BACH2: variants seen among roughly 807,000 people sequenced by gnomAD.
BACH2 encodes transcription regulator protein BACH2.
In BACH2, 5 loss-of-function variants were observed where a neutral mutation model predicts 61.8. The observed-to-expected ratio is 0.08, with a 90% confidence interval of 0.04 to 0.17. The LOEUF (loss-of-function observed/expected upper bound fraction) is 0.17, where lower values mean the gene tolerates loss of function less well. Ranked by LOEUF, BACH2 falls within the 10% of genes least tolerant of loss-of-function variation. BACH2 has a pLI of 1.00. For synonymous variants in BACH2, 446 were observed against 440.1 expected (o/e 1.01, Z -0.17); for missense variants, 824 against 1,091.1 (o/e 0.76, Z 3.45).
chr6:90,135,456 A>G (rs571907439), intron 4 of BACH2, among the ~76,000 whole-genome samples: 156 of 152,334 alleles, frequency 1.0e-3, no homozygotes, highest in Non-Finnish European at 1.8e-3. Context: ...GGCTGGGCAC[A>G]GTAGCTCGCA....
intron 4 of BACH2, among the ~76,000 whole-genome samples, chr6:90,092,515 C>A (rs1782214238): frequency 6.6e-6 from 1 of 151,912 alleles, no homozygotes; most frequent in Admixed American, 6.6e-5. Context: ...TTATGCTGGG[C>A]ACCCCACTCA....
intron 6 of BACH2, among the ~76,000 whole-genome samples, chr6:90,007,008 C>T (rs1032764453): frequency 1.3e-5 from 2 of 152,122 alleles, no homozygotes; most frequent in Non-Finnish European, 2.9e-5. Flanking sequence ...TTGAAGAAAC[C>T]TCCACTACCC....
chr6:89,962,539 C>G (rs1247375676), intron 6 of BACH2, among the ~76,000 whole-genome samples: 1 of 152,108 alleles, frequency 6.6e-6, no homozygotes, highest in Non-Finnish European at 1.5e-5. Context: ...TACATGTTCC[C>G]ATAGTTGTTC....
intron 5 of BACH2, among the ~76,000 whole-genome samples, chr6:90,067,317 T>C (rs1369949483): frequency 6.6e-6 from 1 of 151,972 alleles, no homozygotes; most frequent in Admixed American, 6.6e-5. Flanking sequence ...AGGTGGAAGG[T>C]GAGGCTGGGA....
At chr6:90,177,617 G>A (rs1031293968) in intron 4 of BACH2, among the ~76,000 whole-genome samples, 3 of 152,138 alleles carry the variant, frequency 2.0e-5, no homozygotes, top group South Asian at 2.1e-4. Context: ...GGATCGGATC[G>A]TATGAAATCT....
At chr6:90,286,506 G>A (rs1358567084) in intron 1 of BACH2, among the ~76,000 whole-genome samples, 1 of 152,176 alleles carries the variant, frequency 6.6e-6, no homozygotes, top group Non-Finnish European at 1.5e-5. Flanking sequence ...CCGTGAAAAT[G>A]TCTTGAACTT....
intron 7 of BACH2, among the ~76,000 whole-genome samples, chr6:89,946,892 CT>C (rs987705324): frequency 6.6e-6 from 1 of 152,130 alleles, no homozygotes; most frequent in Admixed American, 6.5e-5. Flanking sequence ...CTAATTTGAT[CT>C]TTCTCGAAGC....
chr6:90,222,291 A>C (rs1769761212), intron 3 of BACH2, among the ~76,000 whole-genome samples: 1 of 152,180 alleles, frequency 6.6e-6, no homozygotes, highest in African/African-American at 2.4e-5. Context: ...TTATTTCATG[A>C]GACAATGGCA....
intron 5 of BACH2, among the ~76,000 whole-genome samples, chr6:90,045,258 A>G (rs1447737651): frequency 3.9e-5 from 6 of 152,228 alleles, no homozygotes; most frequent in Non-Finnish European, 8.8e-5. Context: ...AGCAGACCGC[A>G]TGACTCTGTG....
intron 3 of BACH2, 35 bp downstream of exon 3, chr6:90,252,478 T>C (rs915885650): frequency 2.0e-5 from 3 of 152,178 alleles, no homozygotes; most frequent in African/African-American, 4.8e-5. Flanking sequence ...TCCTGCTAAA[T>C]TTTTTTAGTC....
In BACH2 at chr6:89,950,246, C is replaced by T; in HGVS notation, c.1836+24G>A. ...AAGGGCCTAGAGAGTGGGTCACATGCTTGAATTTATGTGGGTTCCCTACCT... is the reference window on the plus strand; with the variant it reads ...AAGGGCCTAGAGAGTGGGTCACATGTTTGAATTTATGTGGGTTCCCTACCT... On this transcript the variant is annotated intron_variant, in intron 7 of 8. Transcript: ENST00000257749. This position sits in a 1 kb window ranked among gnomAD's most constrained non-coding sequence, Gnocchi z 5.3. The T allele has an allele frequency of 8.1e-6, 13 of 1,613,868 alleles. No homozygotes were observed. The highest frequency in any genetic ancestry group is 1.1e-5 in the Non-Finnish European group (13 of 1,179,890).
chr6:90,128,747 A>G (rs1337789407), intron 4 of BACH2, among the ~76,000 whole-genome samples: 1 of 152,362 alleles, frequency 6.6e-6, no homozygotes, highest in East Asian at 1.9e-4. Context: ...ATGCTGCTAT[A>G]AAGACACATG....
chr6:90,187,711 T>G (rs1363798511), intron 4 of BACH2, among the ~76,000 whole-genome samples: 1 of 152,244 alleles, frequency 6.6e-6, no homozygotes, highest in Non-Finnish European at 1.5e-5. Context: ...AGCAGAGGAT[T>G]AGGATCAGAT....
At chr6:90,114,347 C>T (rs1021986767) in intron 4 of BACH2, among the ~76,000 whole-genome samples, 2 of 152,160 alleles carry the variant, frequency 1.3e-5, no homozygotes, top group Admixed American at 6.5e-5. Context: ...CCCTCGGATG[C>T]AGGGTTGGTT....
chr6:90,291,645 T>C (rs1772183156), intron 1 of BACH2, among the ~76,000 whole-genome samples: 1 of 151,998 alleles, frequency 6.6e-6, no homozygotes, highest in South Asian at 2.1e-4. Context: ...GAGTTGTATT[T>C]TGGGCAATCT....
chr6:90,123,986 C>A (rs1783745758), intron 4 of BACH2, among the ~76,000 whole-genome samples: 1 of 152,028 alleles, frequency 6.6e-6, no homozygotes. Flanking sequence ...TGGGGCCAGA[C>A]CTAGTGTGAG....
chr6:90,110,659 CT>C (rs1418068183), intron 4 of BACH2, among the ~76,000 whole-genome samples: 1 of 152,162 alleles, frequency 6.6e-6, no homozygotes, highest in Non-Finnish European at 1.5e-5. Context: ...AGTTGTTTTT[CT>C]TGAAGTATCA....
chr6:90,072,553 A>C (rs987167168), intron 5 of BACH2, among the ~76,000 whole-genome samples: 2 of 152,228 alleles, frequency 1.3e-5, no homozygotes, highest in African/African-American at 4.8e-5. Context: ...TTTGCAGGTC[A>C]AAGCTCGAGA....
At chr6:90,026,578 T>C (rs575750961) in intron 5 of BACH2, among the ~76,000 whole-genome samples, 1 of 152,208 alleles carries the variant, frequency 6.6e-6, no homozygotes, top group South Asian at 2.1e-4. Context: ...CAAACCTAAC[T>C]CCTTCTTGGA....
Sources: allele counts gnomAD v4.1 joint callset (sites outside exome capture counted in the v4.1 genomes callset), GRCh38; gene constraint gnomAD v4.1.1; non-coding constraint Gnocchi (gnomAD v3.1); transcripts MANE v1.5; gene names NCBI Gene and HGNC (gene_info 2026-07-23, HGNC 2026-07-21).